The following MAX variants were observed in gnomAD, a reference collection of about 807,000 sequenced individuals.
The protein encoded by MAX is protein max.
MAX carries 3 observed loss-of-function variants against 22.3 expected under a neutral mutation model. That is an observed-to-expected ratio of 0.13 (90% CI 0.06 to 0.35). The LOEUF is 0.35. Among genes scored for constraint, MAX ranks in the 10% least tolerant of loss-of-function variants. The pLI is 1.00. For missense variants in MAX, 119 were observed against 209.4 expected (o/e 0.57, Z 2.66); for synonymous variants, 72 against 77.7 (o/e 0.93, Z 0.39).
chr14:65,059,452 G>T (rs1245703346), intron 3 of MAX, among the ~76,000 whole-genome samples: 1 of 152,054 alleles, frequency 6.6e-6, no homozygotes, highest in African/African-American at 2.4e-5. Context: ...GGTATGTGGG[G>T]GTGGCAGAAT....
Position 65,076,097 on chromosome 14 carries a change from C to G in MAX, c.*379G>C. The G allele has an allele frequency of 4.0e-6, 5 of 1,264,414 alleles. No individual in the cohort carries two copies. Among genetic ancestry groups the G allele is most frequent in the Non-Finnish European group, 5.0e-6 (5 of 1,001,894 alleles). The allele number at this position is 1,264,414 out of a possible 1,614,324, so 78.3% of individuals were successfully genotyped here. A position where few individuals can be genotyped will look rare whatever the true frequency, so the allele number is the denominator to read the frequency against. On this transcript the variant is annotated 3_prime_UTR_variant, in exon 5 of 5. Transcript: ENST00000358664. The surrounding 1 kb of genome is among the most constrained non-coding windows in gnomAD (Gnocchi z 6.6). ...GGGCCAGGAGGCCACCTGGGCAGGG[C>G]AGGCGTCCCCCGGGCATGTGCCCGG...
chr14:65,040,276 T>C (rs2062316221), intron 3 of MAX, among the ~76,000 whole-genome samples: 1 of 148,872 alleles, frequency 6.7e-6, no homozygotes, highest in Admixed American at 6.7e-5. Context: ...TATGTATATA[T>C]ATGTGTGTAT....
chr14:65,051,946 C>T (rs531407002), intron 3 of MAX, among the ~76,000 whole-genome samples: 73 of 152,030 alleles, frequency 4.8e-4, no homozygotes, highest in Middle Eastern at 3.4e-3. Context: ...AGGCGCCCAC[C>T]ACCATGTCCG....
chr14:65,090,463 T>C (rs770138193), intron 3 of MAX: 1 of 152,160 alleles, frequency 6.6e-6, no homozygotes, highest in Non-Finnish European at 1.5e-5. Flanking sequence ...TACATTGCAA[T>C]ACAATGTCAA....
At position 65,098,112 on chromosome 14, in the gene MAX, G is replaced by C. The variant is rs972410880; in HGVS notation, c.63+3434C>G. ...TTGACCAACTATTTCACCGTTACTG[G>C]CATCTTGGAAAAATTCTTTTAGACA... On this transcript the variant is annotated intron_variant, in intron 2 of 4. Coordinates refer to ENST00000358664, the MANE Select transcript of MAX (RefSeq NM_002382.5). Among the ~76,000 whole-genome samples, 9 of 152,100 alleles carry C rather than the reference G, an allele frequency of 5.9e-5. No homozygotes were observed. In the East Asian group the frequency reaches 1.3e-3, roughly 23 times the overall value.
Position 65,044,363 on chromosome 14 carries a change from G to A in MAX, c.172-38079C>T. ...TTTGAAGGAGGATTTCAGGGCCGCT[G>A]CAACAAGCTGGTGGATGGCTGCTAC... On this transcript the variant is annotated intron_variant, in intron 3 of 3. Transcript: ENST00000341653. This position sits in a 1 kb window ranked among gnomAD's most constrained non-coding sequence, Gnocchi z 5.5. The A allele has an allele frequency of 3.1e-6, 5 of 1,613,498 alleles. No homozygotes were observed. Among genetic ancestry groups the A allele is most frequent in the Non-Finnish European group, 4.2e-6 (5 of 1,179,792 alleles).
chr14:65,102,360 G>C lies in MAX; in HGVS notation c.-21C>G. The C allele has an allele frequency of 6.2e-7, 1 of 1,613,296 alleles. No individual in the cohort carries two copies. The highest frequency in any genetic ancestry group is 2.2e-5 in the East Asian group (1 of 44,854). On this transcript the variant is annotated 5_prime_UTR_variant, in exon 1 of 5. Transcript: ENST00000358664. ...CTCATTTCCTACGGCCCAGGGAGCG[G>C]CCACTGCAGCGGCGGCGGGGAGGGG...
rs1430616348 is a variant in MAX at position 65,069,227 on chromosome 14, C to T, written c.171+24481G>A. Among the ~76,000 whole-genome samples, 1 of 152,158 alleles carries T rather than the reference C, an allele frequency of 6.6e-6. No individual in the cohort carries two copies. Among genetic ancestry groups the T allele is most frequent in the Non-Finnish European group, 1.5e-5 (1 of 68,012 alleles). Reference sequence around the variant, plus strand: ...CTGTGCAGAGCAGATGGCTCTGGCCCACCCTCCCTTCACCAACAGCCCCCC... The same window carrying T: ...CTGTGCAGAGCAGATGGCTCTGGCCTACCCTCCCTTCACCAACAGCCCCCC... On this transcript the variant is annotated intron_variant, in intron 3 of 3. Transcript: ENST00000341653. This position sits in a 1 kb window ranked among gnomAD's most constrained non-coding sequence, Gnocchi z 4.6.
chr14:65,052,306 C>T (rs770887111), intron 3 of MAX, among the ~76,000 whole-genome samples: 3 of 151,978 alleles, frequency 2.0e-5, no homozygotes, highest in East Asian at 1.9e-4. Context: ...GGTAGAAAAA[C>T]GCATAGAACC....
At chr14:65,037,824 A>C (rs531788410) in intron 3 of MAX, among the ~76,000 whole-genome samples, 11 of 149,044 alleles carry the variant, frequency 7.4e-5, no homozygotes, top group South Asian at 2.1e-4. Flanking sequence ...TCTGTTGCCC[A>C]GGCTGGAGTG....
At chr14:65,074,033 T>C (rs1327515143), downstream of MAX, among the ~76,000 whole-genome samples, 1 of 152,206 alleles carries the variant, frequency 6.6e-6, no homozygotes, top group African/African-American at 2.4e-5. Flanking sequence ...TGACTGCCCC[T>C]TCCTGTTTGC....
chr14:65,035,675 G>A (rs1363541335), intron 3 of MAX, among the ~76,000 whole-genome samples: 4 of 151,676 alleles, frequency 2.6e-5, no homozygotes, highest in South Asian at 2.1e-4. Context: ...GACAACAAGC[G>A]CGTGCCACCA....
rs1271209717 is a variant in MAX at position 65,082,750 on chromosome 14, AGAGT to A, written c.172-4718_172-4715del. 1.3e-5 allele frequency among the ~76,000 whole-genome samples: 2 copies of A among 152,200 alleles called. No homozygotes were observed. Among genetic ancestry groups the A allele is most frequent in the Admixed American group, 6.5e-5 (1 of 15,282 alleles). On this transcript the variant is annotated intron_variant, in intron 3 of 4. Coordinates refer to ENST00000358664, the MANE Select transcript of MAX (RefSeq NM_002382.5). The surrounding 1 kb of genome is among the most constrained non-coding windows in gnomAD (Gnocchi z 4.8). ...CCAACACACTCCAGCCTGAAAAAAA[AGAGT>A]GAGACCCTGTATAAAAAAAAAAAAG...
At position 65,044,762 on chromosome 14, in the gene MAX, T is replaced by C. The variant is rs547435461; in HGVS notation, c.172-38478A>G. 1 of 315,982 alleles carries C rather than the reference T, an allele frequency of 3.2e-6. No homozygotes were observed. The highest frequency in any genetic ancestry group is 4.3e-5 in the South Asian group (1 of 23,366). 19.6% of individuals were successfully genotyped at this position (315,982 alleles called of 1,614,324 possible). On this transcript the variant is annotated intron_variant, in intron 3 of 3. Transcript: ENST00000341653. This position sits in a 1 kb window ranked among gnomAD's most constrained non-coding sequence, Gnocchi z 5.5. ...GGAGCAGCCCACTCCTGTCCTGGGC[T>C]CTGTGGTGATTGCCACCTCCTCTGG...
intron 3 of MAX, among the ~76,000 whole-genome samples, chr14:65,042,815 C>T (rs550709522): frequency 1.6e-4 from 25 of 152,192 alleles, no homozygotes; most frequent in South Asian, 2.1e-4. Context: ...CCCACTGCAG[C>T]GCCTGCTTTC....
chr14:65,059,927 G>A lies in MAX; in HGVS notation c.171+33781C>T, dbSNP rs1287518924. ...TGGCTCACTGCAACCTCCGCCTCCC[G>A]GGTTCAAGCAATTCTCCTGCTTCAG... On this transcript the variant is annotated intron_variant, in intron 3 of 3. Transcript: ENST00000341653. 2.7e-5 allele frequency among the ~76,000 whole-genome samples: 4 copies of A among 147,784 alleles called. No individual in the cohort carries two copies. The South Asian group carries it at 6.5e-4, about 24-fold the overall frequency.
At chr14:65,061,388 G>A (rs1944294730) in intron 3 of MAX, 1 of 1,588,870 alleles carries the variant, frequency 6.3e-7, no homozygotes, top group Non-Finnish European at 8.6e-7. Context: ...AATACATACT[G>A]CATTCTGTGC....
At position 65,044,478 on chromosome 14, in the gene MAX, G is replaced by A; in HGVS notation, c.172-38194C>T. On this transcript the variant is annotated intron_variant, in intron 3 of 3. Coordinates refer to the MAX transcript ENST00000341653. This position sits in a 1 kb window ranked among gnomAD's most constrained non-coding sequence, Gnocchi z 5.5. ...GGGAGCTGTTCACTTGGGGCTGGATGATTTCCCTCCACTACTCACAAAGTC... is the reference window on the plus strand; with the variant it reads ...GGGAGCTGTTCACTTGGGGCTGGATAATTTCCCTCCACTACTCACAAAGTC... 6.3e-7 allele frequency: 1 copy of A among 1,578,254 alleles called. No homozygotes were observed. Among genetic ancestry groups the A allele is most frequent in the Non-Finnish European group, 8.6e-7 (1 of 1,166,778 alleles).
chr14:65,024,873 C>G (rs1290014390), intron 3 of MAX, among the ~76,000 whole-genome samples: 6 of 152,184 alleles, frequency 3.9e-5, no homozygotes, highest in Non-Finnish European at 7.3e-5. Context: ...CCTGCCTTGG[C>G]CTCCCAAAGT....
Sources: gnomAD v4.1 joint callset for allele counts (sites outside exome capture counted in the v4.1 genomes callset) on GRCh38, gnomAD v4.1.1 for gene constraint, Gnocchi (gnomAD v3.1) non-coding constraint, MANE v1.5 for transcripts, NCBI Gene and HGNC (gene_info 2026-07-23, HGNC 2026-07-21) for gene names.